Variants in CTNNA2 observed in about 807,000 individuals in gnomAD.
The protein encoded by CTNNA2 is catenin alpha 2.
CTNNA2 carries 42 observed loss-of-function variants against 101.0 expected under a neutral mutation model. The ratio of observed to expected loss-of-function variants is 0.42; its 90% CI spans 0.32 to 0.54. The LOEUF (loss-of-function observed/expected upper bound fraction) is 0.54. CTNNA2 is among the 20% of genes least tolerant of loss of function. CTNNA2 has a pLI of 0.14. For synonymous variants in CTNNA2, 450 were observed against 456.4 expected (o/e 0.99, Z 0.18); for missense variants, 871 against 1,223.1 (o/e 0.71, Z 4.29).
intron 4 of CTNNA2, chr2:79,499,086 G>A (rs1671289795): frequency 6.6e-6 from 1 of 152,098 alleles, no homozygotes; most frequent in African/African-American, 2.4e-5. Flanking sequence ...TCCTAAGGCA[G>A]AAGAAGTGTT....
At chr2:79,786,799 A>G (rs1264356794) in intron 3 of CTNNA2, among the ~76,000 whole-genome samples, 1 of 152,108 alleles carries the variant, frequency 6.6e-6, no homozygotes, top group Admixed American at 6.6e-5. Flanking sequence ...AACAAATTTA[A>G]TTTCCCAGGA....
At chr2:80,331,289 T>C (rs144434480) in intron 7 of CTNNA2, among the ~76,000 whole-genome samples, 2 of 152,196 alleles carry the variant, frequency 1.3e-5, no homozygotes, top group Non-Finnish European at 2.9e-5. Context: ...GTGTTTGCTG[T>C]CTCTCAAATT....
chr2:79,254,559 A>T (rs1446026418), intron 2 of CTNNA2, among the ~76,000 whole-genome samples: 1 of 152,322 alleles, frequency 6.6e-6, no homozygotes, highest in East Asian at 1.9e-4. Context: ...CCAGAAGCAG[A>T]TGCAGCCTTG....
Position 80,353,935 on chromosome 2 carries a change from G to A in CTNNA2, c.1057-39276G>A, listed in dbSNP as rs2077935. On this transcript the variant is annotated intron_variant, in intron 7 of 18. Coordinates refer to ENST00000402739, the MANE Select transcript of CTNNA2 (RefSeq NM_001282597.3). ...AATAAAACAAAACCTCATTCCACAT[G>A]CATTTTTCACTGACACAAGCTCTCT... Among the ~76,000 whole-genome samples the A allele has an allele frequency of 4.6e-3, 697 of 152,234 alleles. 8 individuals carry two copies. Among genetic ancestry groups the A allele is most frequent in the African/African-American group, 0.016 (672 of 41,550 alleles).
At chr2:80,445,807 T>C (rs1683025157) in intron 9 of CTNNA2, among the ~76,000 whole-genome samples, 1 of 152,202 alleles carries the variant, frequency 6.6e-6, no homozygotes, top group Non-Finnish European at 1.5e-5. Context: ...GTGGATTTAA[T>C]CCTTTATTTT....
At chr2:80,553,468 C>G (rs1692764331) in intron 11 of CTNNA2, among the ~76,000 whole-genome samples, 1 of 152,010 alleles carries the variant, frequency 6.6e-6, no homozygotes, top group Non-Finnish European at 1.5e-5. Flanking sequence ...TTGGATAGTC[C>G]TATTAAAAAT....
intron 7 of CTNNA2, among the ~76,000 whole-genome samples, chr2:80,120,519 C>T (rs926740764): frequency 6.6e-6 from 1 of 152,150 alleles, no homozygotes; most frequent in African/African-American, 2.4e-5. Context: ...TTAAGAGTTG[C>T]ATGGGGATCA....
At position 80,329,878 on chromosome 2, in the gene CTNNA2, G is replaced by C. The variant is rs11888768; in HGVS notation, c.1057-63333G>C. On this transcript the variant is annotated intron_variant, in intron 7 of 18. Transcript: ENST00000402739. Reference sequence around the variant, plus strand: ...GATATAGATCCACTCTGGAAACCCAGGGAAACTTTTCAATCTTCTTGTTAA... The same window carrying C: ...GATATAGATCCACTCTGGAAACCCACGGAAACTTTTCAATCTTCTTGTTAA... 5.0e-3 allele frequency among the ~76,000 whole-genome samples: 766 copies of C among 152,298 alleles called. 11 individuals are homozygous for C. Among genetic ancestry groups the C allele is most frequent in the African/African-American group, 0.017 (693 of 41,570 alleles).
chr2:79,271,401 G>T (rs1303529449), intron 2 of CTNNA2, among the ~76,000 whole-genome samples: 4 of 152,032 alleles, frequency 2.6e-5, no homozygotes, highest in Non-Finnish European at 5.9e-5. Flanking sequence ...AAGGAAAACA[G>T]AATTCTTGGA....
chr2:79,680,481 C>G (rs1371602124), intron 2 of CTNNA2, among the ~76,000 whole-genome samples: 1 of 152,026 alleles, frequency 6.6e-6, no homozygotes, highest in Non-Finnish European at 1.5e-5. Flanking sequence ...GTGTGATAGA[C>G]AAGAAAACAT....
chr2:80,351,861 T>TA (rs1673332396), intron 7 of CTNNA2, among the ~76,000 whole-genome samples: 1 of 152,260 alleles, frequency 6.6e-6, no homozygotes, highest in Admixed American at 6.5e-5. Context: ...ACTGAGCACT[T>TA]ACCATGTGCT....
chr2:79,664,235 C>G (rs867312828), intron 2 of CTNNA2, among the ~76,000 whole-genome samples: 1 of 152,126 alleles, frequency 6.6e-6, no homozygotes, highest in African/African-American at 2.4e-5. Context: ...TTCACATTGT[C>G]TATAAATAAT....
chr2:79,775,943 T>C (rs904096955), intron 3 of CTNNA2, among the ~76,000 whole-genome samples: 3 of 152,190 alleles, frequency 2.0e-5, no homozygotes, highest in Non-Finnish European at 4.4e-5. Context: ...GTATTCTCCA[T>C]AGTTGGTAAG....
At chr2:79,400,597 T>G (rs371061206) in intron 4 of CTNNA2, among the ~76,000 whole-genome samples, 1 of 151,864 alleles carries the variant, frequency 6.6e-6, no homozygotes, top group Admixed American at 6.6e-5. Flanking sequence ...GTATCCAGTC[T>G]GAAGGTCAAA....
chr2:80,294,297 C>T (rs1022547064), intron 7 of CTNNA2, among the ~76,000 whole-genome samples: 1 of 152,122 alleles, frequency 6.6e-6, no homozygotes, highest in Admixed American at 6.6e-5. Flanking sequence ...TTCTAAACAG[C>T]GCTTTGTAAA....
intron 7 of CTNNA2, among the ~76,000 whole-genome samples, chr2:80,308,503 G>A (rs142402225): frequency 6.6e-6 from 1 of 152,118 alleles, no homozygotes; most frequent in Non-Finnish European, 1.5e-5. Flanking sequence ...AATTAACTTT[G>A]TTGTTTCTGT....
chr2:80,337,758 T>G (rs1207532787), intron 7 of CTNNA2, among the ~76,000 whole-genome samples: 3 of 152,052 alleles, frequency 2.0e-5, no homozygotes, highest in Non-Finnish European at 4.4e-5. Flanking sequence ...ACCCAACAAC[T>G]GGGAGACACT....
rs186543640 is a variant in CTNNA2, at chr2:80,553,217, C to T, written c.1541-2476C>T. Among the ~76,000 whole-genome samples the T allele has an allele frequency of 7.6e-3, 750 of 98,440 alleles. 4 individuals are homozygous for T. Among genetic ancestry groups the T allele is most frequent in the Middle Eastern group, 0.016 (3 of 192 alleles). 64.6% of individuals were successfully genotyped at this position (98,440 alleles called of 152,430 possible). ...CCAGCCTGGGCGACAGAGGGAGACT[C>T]CGTCTCAAAAAAAAAAATAAAATAA... On this transcript the variant is annotated intron_variant, in intron 11 of 18. Transcript: ENST00000402739.
At chr2:80,624,132 C>T (rs1349853368) in intron 18 of CTNNA2, among the ~76,000 whole-genome samples, 3 of 151,792 alleles carry the variant, frequency 2.0e-5, no homozygotes, top group East Asian at 2.0e-4. Flanking sequence ...CTACATCTTC[C>T]AAGTTGTGCC....
Sources: gnomAD v4.1 joint callset for allele counts (sites outside exome capture counted in the v4.1 genomes callset) on GRCh38, gnomAD v4.1.1 for gene constraint, MANE v1.5 for transcripts, NCBI Gene and HGNC (gene_info 2026-07-23, HGNC 2026-07-21) for gene names.